Variants in RHEB observed in about 807,000 individuals in gnomAD.
RHEB encodes Ras homolog, mTORC1 binding, also known as GTP-binding protein Rheb.
A neutral mutation model predicts 28.8 loss-of-function variants in RHEB; 2 were observed. The ratio of observed to expected loss-of-function variants is 0.07; its 90% CI spans 0.03 to 0.22. The LOEUF (loss-of-function observed/expected upper bound fraction) is 0.22. RHEB is among the 10% of genes least tolerant of loss of function. RHEB has a pLI of 1.00. For missense variants in RHEB, 76 were observed against 219.9 expected, an observed-to-expected ratio of 0.35 and a Z score of 4.14; for synonymous variants, 69 against 77.3, an observed-to-expected ratio of 0.89 and a Z score of 0.56.
intron 2 of RHEB, among the ~76,000 whole-genome samples, chr7:151,488,586 C>T (rs1231582824): frequency 6.6e-6 from 1 of 152,202 alleles, no homozygotes; most frequent in Non-Finnish European, 1.5e-5. Flanking sequence ...GGCTCCTGCC[C>T]TGTGTTAGGT....
Position 151,466,063 on chromosome 7 carries a change from C to T in RHEB, c.*1056G>A, listed in dbSNP as rs528343474. 4 of 152,278 alleles carry T rather than the reference C, an allele frequency of 2.6e-5. No homozygotes were observed. The highest frequency in any genetic ancestry group is 6.8e-3 in the Middle Eastern group (2 of 294). The allele number at this position is 152,278 out of a possible 1,614,324, so 9.4% of individuals were successfully genotyped here. On this transcript the variant is annotated 3_prime_UTR_variant, in exon 8 of 8. Transcript: ENST00000262187. ...TAAAGTCAATGGTAACATTTGCTTA[C>T]GTATTAGAAATAGCCCTGTGAAATT... is the stretch of plus-strand genomic sequence containing the variant.
In RHEB at chr7:151,519,685, C is replaced by G. The variant is rs896536597; in HGVS notation, c.-174G>C. On this transcript the variant is annotated 5_prime_UTR_variant, in exon 1 of 8. Coordinates refer to ENST00000262187, the MANE Select transcript of RHEB (RefSeq NM_005614.4). ...CGCGCTCCCAACCGCCCGGAACCGA[C>G]CGCGCGGCGGCGCCCCTCCCCCCCA... 3 of 437,572 alleles carry G rather than the reference C, an allele frequency of 6.9e-6. No homozygotes were observed. The highest frequency in any genetic ancestry group is 2.1e-5 in the African/African-American group (1 of 48,278). 27.1% of individuals were successfully genotyped at this position (437,572 alleles called of 1,614,324 possible). A position where few individuals can be genotyped will look rare whatever the true frequency, so the allele number is the denominator to read the frequency against.
intron 4 of RHEB, among the ~76,000 whole-genome samples, chr7:151,477,119 G>GT (rs1193402434): frequency 1.3e-5 from 2 of 152,036 alleles, no homozygotes; most frequent in African/African-American, 4.8e-5. Context: ...GTAGCTTGAG[G>GT]TAAGAAAGAG....
chr7:151,470,254 C>G, intron 7 of RHEB: 1 of 172,776 alleles, frequency 5.8e-6, no homozygotes, highest in Non-Finnish European at 1.2e-5. Context: ...TTTTTTTTCC[C>G]CTGTATGGAC....
intron 1 of RHEB, among the ~76,000 whole-genome samples, chr7:151,499,245 T>C (rs374662977): frequency 6.6e-6 from 1 of 151,808 alleles, no homozygotes. Context: ...GTAATCCCAA[T>C]TACTGGGGAG....
At chr7:151,508,925 G>T (rs761387561) in intron 1 of RHEB, among the ~76,000 whole-genome samples, 5 of 152,132 alleles carry the variant, frequency 3.3e-5, no homozygotes, top group Non-Finnish European at 5.9e-5. Context: ...TGGAAGGTAG[G>T]CTCATTTTGT....
chr7:151,501,831 G>GAT, intron 1 of RHEB: 1 of 472,712 alleles, frequency 2.1e-6, no homozygotes, highest in Admixed American at 2.7e-5. Context: ...TGTCCTACCA[G>GAT]CCGCTGCTGC....
chr7:151,484,716 G>A (rs1053711497), intron 3 of RHEB, 21 bp downstream of exon 3: 11 of 1,557,070 alleles, frequency 7.1e-6, no homozygotes, highest in Middle Eastern at 3.3e-4. Context: ...ATAAGATTCT[G>A]AGATACCAGA....
In RHEB at chr7:151,471,616, A is replaced by G. The variant is rs143483984; in HGVS notation, c.276-11T>C. On this transcript the variant is annotated splice_polypyrimidine_tract_variant and intron_variant, in intron 4 of 7. Coordinates refer to ENST00000262187, the MANE Select transcript of RHEB (RefSeq NM_005614.4). ...TTAATCACTTCAAAACTATAAAACA[A>G]AAAGTATAAATTAGACATCCATTTT... 2.3e-5 allele frequency: 35 copies of G among 1,547,430 alleles called. 1 individual carries two copies. In the African/African-American group the frequency reaches 2.3e-4, roughly 10 times the overall value.
At chr7:151,497,888 G>A (rs897105611) in intron 1 of RHEB, among the ~76,000 whole-genome samples, 4 of 152,122 alleles carry the variant, frequency 2.6e-5, no homozygotes, top group African/African-American at 7.2e-5. Flanking sequence ...ATTCCATGTG[G>A]CTTGTTATAA....
chr7:151,475,190 T>C (rs117379788), intron 4 of RHEB, among the ~76,000 whole-genome samples: 2,265 of 152,302 alleles, frequency 0.015, 27 homozygotes, highest in Non-Finnish European at 0.025. Context: ...CTCAATGTAT[T>C]TTTCAATTTC....
At chr7:151,477,181 C>T (rs1802285495) in intron 4 of RHEB, 152 bp downstream of exon 4, 1 of 618,894 alleles carries the variant, frequency 1.6e-6, no homozygotes, top group Admixed American at 3.5e-5. Flanking sequence ...CCATGTTTCC[C>T]AGCAATCCAG....
At chr7:151,476,916 A>T (rs1402637421) in intron 4 of RHEB, among the ~76,000 whole-genome samples, 1 of 152,176 alleles carries the variant, frequency 6.6e-6, no homozygotes, top group Non-Finnish European at 1.5e-5. Flanking sequence ...GTAAAGTCAG[A>T]CTCTATTACC....
At chr7:151,500,004 G>A (rs998718405) in intron 1 of RHEB, among the ~76,000 whole-genome samples, 1 of 152,170 alleles carries the variant, frequency 6.6e-6, no homozygotes, top group Non-Finnish European at 1.5e-5. Context: ...GGTCCACCAT[G>A]CTGCCCATGC....
At chr7:151,502,857 T>C (rs926069123) in intron 1 of RHEB, 20 of 936,150 alleles carry the variant, frequency 2.1e-5, no homozygotes, top group African/African-American at 1.3e-4. Context: ...TCTGCTGACT[T>C]TGAACTAAGT....
intron 1 of RHEB, among the ~76,000 whole-genome samples, chr7:151,513,684 A>G (rs1277909390): frequency 2.0e-5 from 3 of 152,238 alleles, no homozygotes; most frequent in African/African-American, 7.2e-5. Context: ...TAGTGTAACT[A>G]TTCTTTGCAA....
Position 151,480,821 on chromosome 7 carries a change from A to AAT in RHEB, c.193-3407_193-3406insAT, listed in dbSNP as rs541527339. Among the ~76,000 whole-genome samples, 181 of 152,032 alleles carry AAT rather than the reference A, an allele frequency of 1.2e-3. 1 individual carries two copies. The highest frequency in any genetic ancestry group is 4.2e-3 in the African/African-American group (173 of 41,460). On this transcript the variant is annotated intron_variant, in intron 3 of 7. Transcript: ENST00000262187. ...TGCCTCGGCCTCCCAAGTAGCTGGG[A>AAT]TTATAGGCATGTACCACCATGTCTG... is the stretch of plus-strand genomic sequence containing the variant.
At chr7:151,483,907 C>A (rs994838094) in intron 3 of RHEB, among the ~76,000 whole-genome samples, 2 of 152,204 alleles carry the variant, frequency 1.3e-5, no homozygotes, top group African/African-American at 4.8e-5. Flanking sequence ...CCCCTTGCTT[C>A]CAGCCAATTC....
rs766697252 is a variant in RHEB, at chr7:151,470,700, A to G, written c.381-48T>C. On this transcript the variant is annotated intron_variant, in intron 6 of 7. Transcript: ENST00000262187. ...GTTAAAGTACTTTGCTCTTCATTAT[A>G]TAAAACATGTATAATTGATTTATGA... The G allele has an allele frequency of 5.5e-6, 7 of 1,275,654 alleles. No homozygotes were observed. The Admixed American group carries it at 9.6e-5, about 17-fold the overall frequency. 79.0% of individuals were successfully genotyped at this position (1,275,654 alleles called of 1,614,324 possible). A position where few individuals can be genotyped will look rare whatever the true frequency, so the allele number is the denominator to read the frequency against.
Sources: gnomAD v4.1 joint callset for allele counts (sites outside exome capture counted in the v4.1 genomes callset) on GRCh38, gnomAD v4.1.1 for gene constraint, MANE v1.5 for transcripts, NCBI Gene and HGNC (gene_info 2026-07-23, HGNC 2026-07-21) for gene names.